ANGPT1: variants seen among roughly 807,000 people sequenced by gnomAD.
ANGPT1 encodes the protein angiopoietin 1, also known as angiopoietin-1.
A neutral mutation model predicts 62.2 loss-of-function variants in ANGPT1; 17 were observed. That is an observed-to-expected ratio of 0.27 (90% CI 0.19 to 0.41). The LOEUF (loss-of-function observed/expected upper bound fraction) is 0.41, where lower values mean the gene tolerates loss of function less well. Among genes scored for constraint, ANGPT1 ranks in the 10% least tolerant of loss-of-function variants. The pLI, the probability that ANGPT1 is intolerant of heterozygous loss-of-function variation, is 1.00. For synonymous variants in ANGPT1, 199 were observed against 198.9 expected, an observed-to-expected ratio of 1.00 and a Z score of 0.00; for missense variants, 478 against 594.9, an observed-to-expected ratio of 0.80 and a Z score of 2.04.
chr8:107,365,982 C>A (rs982735197), intron 1 of ANGPT1, among the ~76,000 whole-genome samples: 1 of 152,046 alleles, frequency 6.6e-6, no homozygotes, highest in African/African-American at 2.4e-5. Context: ...AGGTCTCTGA[C>A]CCTCTGATAT....
intron 3 of ANGPT1, among the ~76,000 whole-genome samples, chr8:107,326,445 C>A (rs1198060419): frequency 1.3e-5 from 2 of 152,072 alleles, no homozygotes; most frequent in African/African-American, 2.4e-5. Context: ...TTTTAGACTT[C>A]TTCAGGCAAG....
chr8:107,443,018 A>T (rs1383698240), intron 1 of ANGPT1, among the ~76,000 whole-genome samples: 1 of 152,160 alleles, frequency 6.6e-6, no homozygotes, highest in African/African-American at 2.4e-5. Context: ...AATCCCCAAG[A>T]TTCATTCTTC....
chr8:107,258,185 T>C (rs1195607311), intron 8 of ANGPT1, among the ~76,000 whole-genome samples: 6 of 152,010 alleles, frequency 3.9e-5, no homozygotes, highest in Admixed American at 2.0e-4. Flanking sequence ...TCATTCTCTT[T>C]GAATGTCATC....
rs139976145 is a variant in ANGPT1 at position 107,444,008 on chromosome 8, A to G, written c.297+53254T>C. On this transcript the variant is annotated intron_variant, in intron 1 of 8. Transcript: ENST00000517746. Reference sequence around the variant, plus strand: ...GGTATGATTTAGTATGCTTAATGGCAATGTCATTAAATGTGTTCAAGAAGA... The same window carrying G: ...GGTATGATTTAGTATGCTTAATGGCGATGTCATTAAATGTGTTCAAGAAGA... 5.7e-4 allele frequency among the ~76,000 whole-genome samples: 87 copies of G among 152,266 alleles called. 1 individual carries two copies. In the East Asian group the frequency reaches 0.016, roughly 27 times the overall value.
chr8:107,411,679 T>C (rs564696304), intron 1 of ANGPT1, among the ~76,000 whole-genome samples: 2 of 152,316 alleles, frequency 1.3e-5, no homozygotes, highest in South Asian at 2.1e-4. Flanking sequence ...TTACATAGAA[T>C]GCTTTTAATG....
chr8:107,459,924 G>A (rs1424731187), intron 1 of ANGPT1, among the ~76,000 whole-genome samples: 1 of 152,076 alleles, frequency 6.6e-6, no homozygotes, highest in Non-Finnish European at 1.5e-5. Context: ...GAGAACAAAG[G>A]GTTGTTTGTT....
At chr8:107,457,234 T>G (rs1007776675) in intron 1 of ANGPT1, among the ~76,000 whole-genome samples, 4 of 152,130 alleles carry the variant, frequency 2.6e-5, no homozygotes, top group Non-Finnish European at 4.4e-5. Flanking sequence ...CTAAAACTCC[T>G]GTGTAAGATG....
chr8:107,262,126 C>T (rs1321083749), intron 8 of ANGPT1, among the ~76,000 whole-genome samples: 1 of 151,750 alleles, frequency 6.6e-6, no homozygotes, highest in Admixed American at 6.6e-5. Context: ...ACCAGGGAGG[C>T]GGAGGTTACA....
At chr8:107,273,501 T>C (rs762419995) in intron 7 of ANGPT1, among the ~76,000 whole-genome samples, 29 of 151,988 alleles carry the variant, frequency 1.9e-4, no homozygotes, top group Middle Eastern at 3.2e-3. Context: ...TCTAGCCCTC[T>C]GTTATATGTA....
At chr8:107,484,498 C>T (rs1343929992) in intron 1 of ANGPT1, among the ~76,000 whole-genome samples, 2 of 152,104 alleles carry the variant, frequency 1.3e-5, no homozygotes, top group African/African-American at 4.8e-5. Context: ...ACCTCCCGGG[C>T]TCAAATGATC....
At chr8:107,466,880 C>A (rs955088069) in intron 1 of ANGPT1, among the ~76,000 whole-genome samples, 2 of 151,964 alleles carry the variant, frequency 1.3e-5, no homozygotes, top group Admixed American at 6.6e-5. Context: ...CCATTGCACT[C>A]CAGCCTGGGC....
intron 7 of ANGPT1, among the ~76,000 whole-genome samples, chr8:107,278,950 C>A (rs57117178): frequency 6.6e-6 from 1 of 152,184 alleles, no homozygotes; most frequent in South Asian, 2.1e-4. Flanking sequence ...TAAGACTCAT[C>A]ATGGCTCTGC....
rs148435318 is a variant in ANGPT1 at position 107,252,432 on chromosome 8, G to A, written c.1337-417C>T. On this transcript the variant is annotated intron_variant, in intron 8 of 8. Coordinates refer to ENST00000517746, the MANE Select transcript of ANGPT1 (RefSeq NM_001146.5). Reference sequence around the variant, plus strand: ...TTGGGAATAGAACAATTAATTATTAGTGAAGAAATGCAGAAACTTAGACAA... The same window carrying A: ...TTGGGAATAGAACAATTAATTATTAATGAAGAAATGCAGAAACTTAGACAA... 5.3e-4 allele frequency among the ~76,000 whole-genome samples: 80 copies of A among 152,292 alleles called. No homozygotes were observed. In the East Asian group the frequency reaches 0.014, roughly 27 times the overall value.
chr8:107,431,998 A>C (rs1317605659), intron 1 of ANGPT1, among the ~76,000 whole-genome samples: 1 of 152,172 alleles, frequency 6.6e-6, no homozygotes, highest in Non-Finnish European at 1.5e-5. Context: ...AACTCAATTG[A>C]GCATAGATGT....
intron 2 of ANGPT1, among the ~76,000 whole-genome samples, chr8:107,340,669 T>C (rs945628172): frequency 2.6e-5 from 4 of 151,428 alleles, no homozygotes; most frequent in Admixed American, 2.6e-4. Context: ...TATTTTTTTT[T>C]TTTTTGTAAA....
chr8:107,326,264 T>C (rs1056334365), intron 3 of ANGPT1, among the ~76,000 whole-genome samples: 1 of 152,112 alleles, frequency 6.6e-6, no homozygotes, highest in Non-Finnish European at 1.5e-5. Context: ...TACAAGCAAA[T>C]TGGAAACATG....
intron 1 of ANGPT1, among the ~76,000 whole-genome samples, chr8:107,359,811 G>A (rs1414915970): frequency 1.3e-5 from 2 of 152,160 alleles, no homozygotes; most frequent in Non-Finnish European, 2.9e-5. Flanking sequence ...ACGATCTCTG[G>A]CTGACGGGAA....
intron 1 of ANGPT1, among the ~76,000 whole-genome samples, chr8:107,389,896 T>C (rs1261223004): frequency 2.6e-5 from 4 of 151,840 alleles, no homozygotes; most frequent in African/African-American, 4.8e-5. Flanking sequence ...CATTCTTCAT[T>C]CTTACATTCC....
intron 1 of ANGPT1, among the ~76,000 whole-genome samples, chr8:107,442,967 C>T (rs917036862): frequency 6.6e-6 from 1 of 152,166 alleles, no homozygotes; most frequent in Admixed American, 6.5e-5. Context: ...ATTAAATATT[C>T]TTTTCCTAAT....
Sources: allele counts gnomAD v4.1 joint callset (sites outside exome capture counted in the v4.1 genomes callset), GRCh38; gene constraint gnomAD v4.1.1; transcripts MANE v1.5; gene names NCBI Gene and HGNC (gene_info 2026-07-23, HGNC 2026-07-21).